The following EPAS1 variants were observed in gnomAD, a reference collection of about 807,000 sequenced individuals.
EPAS1 encodes the protein endothelial PAS domain protein 1.
Under a neutral mutation model 87.9 loss-of-function variants are expected in EPAS1, and 23 were observed. The observed-to-expected ratio is 0.26, with a 90% CI of 0.19 to 0.37. EPAS1 has a LOEUF of 0.37. Among genes scored for constraint, EPAS1 ranks in the 10% least tolerant of loss-of-function variants. EPAS1 has a pLI of 1.00. For missense variants in EPAS1, 1,138 were observed against 1,120.7 expected (o/e 1.02, Z -0.22); for synonymous variants, 508 against 444.3 (o/e 1.14, Z -1.80).
chr2:46,365,705 G>A lies in EPAS1; in HGVS notation c.780-4122G>A, dbSNP rs144393790. 8.2e-3 allele frequency among the ~76,000 whole-genome samples: 1,248 copies of A among 152,316 alleles called. 26 individuals carry two copies. Among genetic ancestry groups the A allele is most frequent in the African/African-American group, 0.028 (1,149 of 41,576 alleles). On this transcript the variant is annotated intron_variant, in intron 6 of 15. Coordinates refer to ENST00000263734, the MANE Select transcript of EPAS1 (RefSeq NM_001430.5). ...GAGGAAAACACAAGGCTTAAGTACT[G>A]TTTAAAGCAAACAAAATCTAGATGA... is the stretch of plus-strand genomic sequence containing the variant.
intron 1 of EPAS1, among the ~76,000 whole-genome samples, chr2:46,328,162 C>T (rs1294750199): frequency 6.6e-6 from 1 of 152,170 alleles, no homozygotes. Flanking sequence ...GCAGAGACTG[C>T]TAAGTGCCAA....
At chr2:46,299,781 G>T (rs946557581) in intron 1 of EPAS1, among the ~76,000 whole-genome samples, 5 of 152,156 alleles carry the variant, frequency 3.3e-5, no homozygotes, top group African/African-American at 1.2e-4. Context: ...AAATGATTTC[G>T]ACACACCCAG....
intron 6 of EPAS1, among the ~76,000 whole-genome samples, chr2:46,362,081 C>G (rs1327982915): frequency 6.6e-6 from 1 of 152,170 alleles, no homozygotes; most frequent in Non-Finnish European, 1.5e-5. Flanking sequence ...CCGCATGCGC[C>G]CTTCCTGGCA....
Position 46,384,654 on chromosome 2 carries a change from C to T in EPAS1, c.2607C>T (p.Ala869=). 2 of 1,613,700 alleles carry T rather than the reference C, an allele frequency of 1.2e-6. No individual in the cohort carries two copies. Among genetic ancestry groups the T allele is most frequent in the Non-Finnish European group, 1.7e-6 (2 of 1,180,004 alleles). The change falls in exon 16 of 16, where the codon GCC becomes GCT. Residue 869 remains alanine, a synonymous_variant. Transcript: ENST00000263734. ...ACCTCCTCAGAGCCCTGGACCAGGC[C>T]ACCTGAGCCAGGCCTTCTACCTGGG... ...GGDLLRALDQ[A]T
chr2:46,363,656 G>A (rs1054681043), intron 6 of EPAS1, among the ~76,000 whole-genome samples: 9 of 152,188 alleles, frequency 5.9e-5, no homozygotes, highest in Non-Finnish European at 1.3e-4. Flanking sequence ...TTTGGCTCAG[G>A]GCTGGTAGCC....
chr2:46,362,972 GT>G (rs1684427648), intron 6 of EPAS1, among the ~76,000 whole-genome samples: 1 of 72,880 alleles, frequency 1.4e-5, no homozygotes, highest in Admixed American at 1.6e-4. Flanking sequence ...GGTGGTGGTG[GT>G]GGTAGTGGTG....
rs1684679246 is a variant in EPAS1, at chr2:46,373,974, C to T, written c.887-1716C>T. Among the ~76,000 whole-genome samples, 15 of 152,338 alleles carry T rather than the reference C, an allele frequency of 9.8e-5. 1 individual carries two copies. The South Asian group carries it at 3.1e-3, about 32-fold the overall frequency. On this transcript the variant is annotated intron_variant, in intron 7 of 15. Transcript: ENST00000263734. ...ACCCCATGGTGTTGCCTATGAAATG[C>T]AGTGATGATGACCTAATCCTTAGTG...
At chr2:46,307,286 T>G (rs1683124650) in intron 1 of EPAS1, among the ~76,000 whole-genome samples, 1 of 152,162 alleles carries the variant, frequency 6.6e-6, no homozygotes, top group Non-Finnish European at 1.5e-5. Context: ...GGGGCCTGGG[T>G]TTGGAGCAGT....
rs117332506 is a variant in EPAS1 at position 46,339,727 on chromosome 2, C to T, written c.27-7146C>T. Among the ~76,000 whole-genome samples, 46 of 152,338 alleles carry T rather than the reference C, an allele frequency of 3.0e-4. No individual in the cohort carries two copies. In the East Asian group the frequency reaches 4.8e-3, roughly 16 times the overall value. ...TACCGTAAACTGAGTGGCTTATAAA[C>T]AACAGAGTTTCATTTCTCATGGTTC... On this transcript the variant is annotated intron_variant, in intron 1 of 15. Coordinates refer to ENST00000263734, the MANE Select transcript of EPAS1 (RefSeq NM_001430.5).
intron 1 of EPAS1, among the ~76,000 whole-genome samples, chr2:46,314,584 A>G (rs900085430): frequency 4.6e-5 from 7 of 152,120 alleles, no homozygotes; most frequent in African/African-American, 1.7e-4. Context: ...ATGGACTAGT[A>G]AGTGGGAACC....
At chr2:46,316,864 A>G (rs755840758) in intron 1 of EPAS1, among the ~76,000 whole-genome samples, 19 of 152,226 alleles carry the variant, frequency 1.2e-4, no homozygotes, top group Non-Finnish European at 1.8e-4. Flanking sequence ...ATTGGTGTCA[A>G]TCCTCTCAAA....
At chr2:46,381,455 C>G in intron 12 of EPAS1, 141 bp from the exon 13 acceptor site, 1 of 1,369,014 alleles carries the variant, frequency 7.3e-7, no homozygotes, top group Non-Finnish European at 1.0e-6. Context: ...GGTGCACAGC[C>G]TGCCTCTGAG....
At chr2:46,366,176 G>A (rs745655224) in intron 6 of EPAS1, among the ~76,000 whole-genome samples, 4 of 152,256 alleles carry the variant, frequency 2.6e-5, no homozygotes, top group Non-Finnish European at 4.4e-5. Context: ...GAAGAAGAGC[G>A]AGCCTTCTCA....
intron 1 of EPAS1, among the ~76,000 whole-genome samples, chr2:46,305,001 T>A (rs1305392258): frequency 6.6e-6 from 1 of 151,900 alleles, no homozygotes; most frequent in Non-Finnish European, 1.5e-5. Flanking sequence ...GTACCTTGAG[T>A]TTTTCTAGTG....
In EPAS1 at chr2:46,375,903, C is replaced by T; in HGVS notation, c.1034+66C>T. ...TGGGGGTGCCCAAGCTTCCCAGACT[C>T]AGGATGACAGGCCTAGGAGATGCCA... On this transcript the variant is annotated intron_variant, in intron 8 of 15. Coordinates refer to ENST00000263734, the MANE Select transcript of EPAS1 (RefSeq NM_001430.5). This position sits in a 1 kb window ranked among gnomAD's most constrained non-coding sequence, Gnocchi z 4.1. 3.1e-6 allele frequency: 5 copies of T among 1,607,586 alleles called. No homozygotes were observed. The highest frequency in any genetic ancestry group is 4.3e-6 in the Non-Finnish European group (5 of 1,175,420).
chr2:46,337,431 G>T (rs532639131), intron 1 of EPAS1, among the ~76,000 whole-genome samples: 22 of 152,326 alleles, frequency 1.4e-4, no homozygotes, highest in African/African-American at 5.3e-4. Flanking sequence ...AGGGGCAGCA[G>T]CAGTAGCTAA....
rs1405084423 is a variant in EPAS1, at chr2:46,369,810, C to A, written c.780-17C>A. 90 of 1,597,682 alleles carry A rather than the reference C, an allele frequency of 5.6e-5. No homozygotes were observed. The highest frequency in any genetic ancestry group is 7.5e-5 in the Non-Finnish European group (87 of 1,167,166). ...TATGGTCTTTCTTCCTTACATGCTG[C>A]CTTTTTAAAAACTCAGAATCACAGA... On this transcript the variant is annotated splice_polypyrimidine_tract_variant and intron_variant, in intron 6 of 15. Coordinates refer to ENST00000263734, the MANE Select transcript of EPAS1 (RefSeq NM_001430.5).
intron 7 of EPAS1, among the ~76,000 whole-genome samples, chr2:46,372,402 G>A (rs896065020): frequency 2.6e-5 from 4 of 152,182 alleles, no homozygotes; most frequent in Admixed American, 1.3e-4. Flanking sequence ...GTTTGAGACA[G>A]GTCCAGATTC....
Position 46,384,916 on chromosome 2 carries a change from A to G in EPAS1, c.*256A>G. 1 of 517,332 alleles carries G rather than the reference A, an allele frequency of 1.9e-6. No individual in the cohort carries two copies. The highest frequency in any genetic ancestry group is 3.5e-6 in the Non-Finnish European group (1 of 285,828). The allele number at this position is 517,332 out of a possible 1,614,324, so 32.0% of individuals were successfully genotyped here. A position where few individuals can be genotyped will look rare whatever the true frequency, so the allele number is the denominator to read the frequency against. ...ATTTTGTAGGATTTTTTTCCTCCCC[A>G]CCTTCAATGACTTCTAATTTATATT... is the stretch of plus-strand genomic sequence containing the variant. On this transcript the variant is annotated 3_prime_UTR_variant, in exon 16 of 16. Coordinates refer to ENST00000263734, the MANE Select transcript of EPAS1 (RefSeq NM_001430.5).
Sources: gnomAD v4.1 joint callset for allele counts (sites outside exome capture counted in the v4.1 genomes callset) on GRCh38, gnomAD v4.1.1 for gene constraint, Gnocchi (gnomAD v3.1) non-coding constraint, MANE v1.5 for transcripts, NCBI Gene and HGNC (gene_info 2026-07-23, HGNC 2026-07-21) for gene names.